The following IHO1 variants were observed in gnomAD, a reference collection of about 807,000 sequenced individuals.
The protein encoded by IHO1 is interactor of HORMAD1 protein 1.
Under a neutral mutation model 31.0 loss-of-function variants are expected in IHO1, and 13 were observed. The observed-to-expected ratio is 0.42, with a 90% CI of 0.27 to 0.67. The LOEUF (loss-of-function observed/expected upper bound fraction) is 0.67. Among genes scored for constraint, IHO1 ranks in the 30% least tolerant of loss-of-function variants. IHO1 has a pLI of 0.24. For missense variants in IHO1, 599 were observed against 687.5 expected (o/e 0.87, Z 1.44); for synonymous variants, 221 against 248.4 (o/e 0.89, Z 1.04).
At chr3:49,218,224 T>C (rs2046312905) in intron 2 of IHO1, among the ~76,000 whole-genome samples, 1 of 151,838 alleles carries the variant, frequency 6.6e-6, no homozygotes, top group Non-Finnish European at 1.5e-5. Context: ...TGTATCCTGG[T>C]TCCCACCTCT....
In IHO1 at chr3:49,199,526, A is replaced by AGT. The variant is rs2046026073; in HGVS notation, c.-63_-62insGT. On this transcript the variant is annotated 5_prime_UTR_variant, in exon 1 of 8. Transcript: ENST00000452691. ...GAGGCAGCGGGACGCGGCCACCTCG[A>AGT]AGCCACGTCAGGGCAGCCCCAGGTC... is the stretch of plus-strand genomic sequence containing the variant. 1.3e-5 allele frequency: 2 copies of AGT among 149,926 alleles called. No individual in the cohort carries two copies. Among genetic ancestry groups the AGT allele is most frequent in the South Asian group, 4.3e-4 (2 of 4,602 alleles). 9.3% of individuals were successfully genotyped at this position (149,926 alleles called of 1,614,324 possible).
At chr3:49,255,349 C>A in intron 6 of IHO1, 41 bp from the exon 7 acceptor site, 1 of 1,394,768 alleles carries the variant, frequency 7.2e-7, no homozygotes, top group Non-Finnish European at 9.9e-7. Context: ...ACATACCATA[C>A]ATAGTCTTCA....
chr3:49,225,861 G>A (rs2046411311), intron 2 of IHO1, among the ~76,000 whole-genome samples: 1 of 152,168 alleles, frequency 6.6e-6, no homozygotes, highest in Non-Finnish European at 1.5e-5. Flanking sequence ...CCTGGCCCTC[G>A]ATGGTTATAC....
chr3:49,211,262 C>A (rs929543089), intron 1 of IHO1, among the ~76,000 whole-genome samples: 7 of 150,272 alleles, frequency 4.7e-5, no homozygotes, highest in Admixed American at 4.0e-4. Flanking sequence ...CCCTCCTCGG[C>A]CTCCCAAAGT....
chr3:49,203,756 G>C (rs2046099568), intron 1 of IHO1, among the ~76,000 whole-genome samples: 1 of 152,264 alleles, frequency 6.6e-6, no homozygotes, highest in East Asian at 1.9e-4. Context: ...AGGGAGTGAG[G>C]AGTGGTCAAA....
rs1190363805 is a variant in IHO1, at chr3:49,251,287, A to ATT, written c.533-4087_533-4086dup. 2.5e-3 allele frequency among the ~76,000 whole-genome samples: 303 copies of ATT among 122,796 alleles called. 1 individual carries two copies. Among genetic ancestry groups the ATT allele is most frequent in the Non-Finnish European group, 3.0e-3 (176 of 57,904 alleles). The allele number at this position is 122,796 out of a possible 152,430, so 80.6% of individuals were successfully genotyped here. A position where few individuals can be genotyped will look rare whatever the true frequency, so the allele number is the denominator to read the frequency against. ...AGGCACATGCCACCATGCCTGGCTAATTTTTTTTTTTTTTTTTGAGGTGGA... is the reference window on the plus strand; with the variant it reads ...AGGCACATGCCACCATGCCTGGCTAATTTTTTTTTTTTTTTTTTTGAGGTGGA... On this transcript the variant is annotated intron_variant, in intron 6 of 7. Transcript: ENST00000452691.
At chr3:49,229,572 CA>C (rs1288776977) in intron 2 of IHO1, among the ~76,000 whole-genome samples, 1 of 152,114 alleles carries the variant, frequency 6.6e-6, no homozygotes, top group Non-Finnish European at 1.5e-5. Flanking sequence ...ACAGATAAGG[CA>C]AAGCAGCTTA....
chr3:49,252,900 G>C (rs1301198782), intron 6 of IHO1, among the ~76,000 whole-genome samples: 1 of 151,976 alleles, frequency 6.6e-6, no homozygotes, highest in Non-Finnish European at 1.5e-5. Flanking sequence ...AAATTAGCTG[G>C]GCATGGTGTT....
intron 2 of IHO1, among the ~76,000 whole-genome samples, chr3:49,217,412 C>G (rs1018943901): frequency 1.3e-5 from 2 of 150,688 alleles, no homozygotes; most frequent in African/African-American, 4.9e-5. Flanking sequence ...ACCACATGTT[C>G]TCACTCAAGT....
At chr3:49,238,218 C>A (rs938205817) in intron 3 of IHO1, among the ~76,000 whole-genome samples, 2 of 151,902 alleles carry the variant, frequency 1.3e-5, no homozygotes, top group African/African-American at 4.8e-5. Flanking sequence ...TCTTTGAGAT[C>A]AATCTGTGTT....
upstream of IHO1, among the ~76,000 whole-genome samples, chr3:49,195,830 G>A (rs141056691): frequency 5.9e-4 from 89 of 150,748 alleles, 1 homozygote; most frequent in East Asian, 0.013. Context: ...GGCCAGGCGC[G>A]GTGGCTAACG....
intron 6 of IHO1, 126 bp from the exon 7 acceptor site, chr3:49,255,264 C>T (rs1458554443): frequency 1.7e-6 from 1 of 592,366 alleles, no homozygotes; most frequent in East Asian, 3.2e-5. Flanking sequence ...GGAAGGAGAG[C>T]CTGGAGGAAC....
intron 2 of IHO1, among the ~76,000 whole-genome samples, chr3:49,216,153 C>T (rs999544973): frequency 6.6e-6 from 1 of 152,186 alleles, no homozygotes; most frequent in Non-Finnish European, 1.5e-5. Context: ...TTTAATGCAG[C>T]AGTCCCTAAC....
chr3:49,200,805 T>A, intron 1 of IHO1, among the ~76,000 whole-genome samples: 1 of 152,196 alleles, frequency 6.6e-6, no homozygotes, highest in South Asian at 2.1e-4. Context: ...TACCTCTTCC[T>A]TACTAGTGCT....
chr3:49,256,276 T>C lies in IHO1; in HGVS notation c.779T>C (p.Leu260Ser). 6.2e-7 allele frequency: 1 copy of C among 1,614,206 alleles called. No homozygotes were observed. The highest frequency in any genetic ancestry group is 8.5e-7 in the Non-Finnish European group (1 of 1,180,040). Residue 260 changes from leucine (L) to serine (S), a missense_variant, in exon 8 of 8, where the codon TTG becomes TCG. Physicochemically the swap from Leu to Ser is moderately radical, Grantham distance 145. Coordinates refer to ENST00000452691, the MANE Select transcript of IHO1 (RefSeq NM_001135197.2). This position sits in a 1 kb window ranked among gnomAD's most constrained non-coding sequence, Gnocchi z 4.6. ...AGTGTCCTAGCAGAGCTGAAGAGAT[T>C]GATCTCAGTGCCTCCAGTGAAAGAC... ...VPSVLAELKR[L>S]ISVPPVKDSA...
chr3:49,221,774 G>T (rs1469513552), intron 2 of IHO1, among the ~76,000 whole-genome samples: 1 of 152,220 alleles, frequency 6.6e-6, no homozygotes, highest in Admixed American at 6.5e-5. Flanking sequence ...ATTTGACAAG[G>T]ATGTTAAAAC....
At chr3:49,216,856 A>G (rs888096333) in intron 2 of IHO1, among the ~76,000 whole-genome samples, 1 of 152,246 alleles carries the variant, frequency 6.6e-6, no homozygotes, top group Non-Finnish European at 1.5e-5. Flanking sequence ...TCAAAATAAG[A>G]CATTTATGCA....
At chr3:49,210,744 C>T (rs2046201260) in intron 1 of IHO1, among the ~76,000 whole-genome samples, 1 of 143,988 alleles carries the variant, frequency 6.9e-6, no homozygotes. Context: ...TCGCCCCAGG[C>T]TGGAGTGCAG....
chr3:49,206,366 G>A (rs1304324400), intron 1 of IHO1, among the ~76,000 whole-genome samples: 1 of 151,874 alleles, frequency 6.6e-6, no homozygotes, highest in Admixed American at 6.6e-5. Context: ...AAAGTTCTGG[G>A]ATTACAGGCG....
Sources: allele counts gnomAD v4.1 joint callset (sites outside exome capture counted in the v4.1 genomes callset), GRCh38; gene constraint gnomAD v4.1.1; non-coding constraint Gnocchi (gnomAD v3.1); transcripts MANE v1.5; gene names NCBI Gene and HGNC (gene_info 2026-07-23, HGNC 2026-07-21).